CHST15: variants seen among roughly 807,000 people sequenced by gnomAD.
The protein encoded by CHST15 is carbohydrate sulfotransferase 15.
Under a neutral mutation model 53.6 loss-of-function variants are expected in CHST15, and 30 were observed. That is an observed-to-expected ratio of 0.56 (90% CI 0.42 to 0.76). CHST15 has a LOEUF of 0.76. Among genes scored for constraint, CHST15 ranks in the 30% least tolerant of loss-of-function variants. CHST15 has a pLI of 0.00. For synonymous variants in CHST15, 296 were observed against 289.8 expected (o/e 1.02, Z -0.22); for missense variants, 627 against 740.5 (o/e 0.85, Z 1.78).
chr10:124,057,012 G>C (rs1016647984), intron 1 of CHST15, among the ~76,000 whole-genome samples: 14 of 152,272 alleles, frequency 9.2e-5, no homozygotes, highest in Non-Finnish European at 8.8e-5. Flanking sequence ...CTGCGGCCCA[G>C]GTGGTGGCTT....
At chr10:124,032,734 A>G (rs982966098) in intron 5 of CHST15, among the ~76,000 whole-genome samples, 7 of 151,132 alleles carry the variant, frequency 4.6e-5, no homozygotes, top group Admixed American at 2.6e-4. Context: ...AAACTGGAAC[A>G]TGAATTCTTG....
chr10:124,011,116 G>A, intron 7 of CHST15: 1 of 977,268 alleles, frequency 1.0e-6, no homozygotes, highest in Non-Finnish European at 1.2e-6. Context: ...GGAGTGAGAG[G>A]CCCTGAAACA....
At chr10:124,059,030 T>C (rs1334657156) in intron 1 of CHST15, among the ~76,000 whole-genome samples, 1 of 152,118 alleles carries the variant, frequency 6.6e-6, no homozygotes, top group Non-Finnish European at 1.5e-5. Flanking sequence ...ACTTACAGAA[T>C]ACAGGACAGC....
intron 5 of CHST15, among the ~76,000 whole-genome samples, chr10:124,031,457 C>T (rs1166877673): frequency 6.6e-6 from 1 of 152,214 alleles, no homozygotes; most frequent in Non-Finnish European, 1.5e-5. Context: ...CCTACTGCTC[C>T]TATGCTGTCA....
chr10:124,061,463 C>T (rs1437184810), intron 1 of CHST15, among the ~76,000 whole-genome samples: 1 of 152,212 alleles, frequency 6.6e-6, no homozygotes, highest in East Asian at 1.9e-4. Context: ...CCAGGTGGAA[C>T]TGTAAGTCTA....
At chr10:124,034,566 C>A (rs912748985) in intron 5 of CHST15, among the ~76,000 whole-genome samples, 1 of 151,330 alleles carries the variant, frequency 6.6e-6, no homozygotes, top group Admixed American at 6.6e-5. Context: ...AACAGGGACC[C>A]TGGCTTCATC....
At position 124,070,369 on chromosome 10, in the gene CHST15, G is replaced by GT. The variant is rs774034292; in HGVS notation, c.-513+23099dup. ...CCTCCAAATGAACCCATTCAGTAAA[G>GT]TTTTTTTGTTTTGTTTTGTTTTTGT... On this transcript the variant is annotated intron_variant, in intron 1 of 7. Coordinates refer to ENST00000435907, the MANE Select transcript of CHST15 (RefSeq NM_001270764.2). Among the ~76,000 whole-genome samples, 139 of 152,170 alleles carry GT rather than the reference G, an allele frequency of 9.1e-4. 1 individual carries two copies. The highest frequency in any genetic ancestry group is 1.6e-3 in the Non-Finnish European group (111 of 67,990).
chr10:124,070,782 G>A (rs543496799), intron 1 of CHST15, among the ~76,000 whole-genome samples: 1 of 152,280 alleles, frequency 6.6e-6, no homozygotes, highest in South Asian at 2.1e-4. Flanking sequence ...TCGCAGGCTG[G>A]TGGGGAGGCT....
chr10:124,010,961 C>A (rs1248811786), intron 7 of CHST15: 1 of 985,104 alleles, frequency 1.0e-6, no homozygotes, highest in African/African-American at 1.7e-5. Context: ...CAGTCACCCC[C>A]ACGCCCCGCC....
chr10:124,018,808 C>T (rs1946671135), intron 6 of CHST15, among the ~76,000 whole-genome samples: 1 of 152,032 alleles, frequency 6.6e-6, no homozygotes, highest in Admixed American at 6.6e-5. Flanking sequence ...GGAAGCTGTG[C>T]AGGTGGAGGT....
intron 1 of CHST15, among the ~76,000 whole-genome samples, chr10:124,088,275 C>T (rs1213228078): frequency 6.6e-6 from 1 of 152,222 alleles, no homozygotes; most frequent in African/African-American, 2.4e-5. Context: ...CCATAAGGTG[C>T]CTGTCAACGG....
chr10:124,062,450 G>A (rs562584061), intron 1 of CHST15, among the ~76,000 whole-genome samples: 5 of 152,108 alleles, frequency 3.3e-5, no homozygotes, highest in African/African-American at 9.7e-5. Flanking sequence ...GTGTGCCCTC[G>A]GGCAAACTGC....
chr10:124,093,068 G>A (rs1034145313), intron 1 of CHST15, among the ~76,000 whole-genome samples: 1 of 152,200 alleles, frequency 6.6e-6, no homozygotes, highest in Non-Finnish European at 1.5e-5. Context: ...TGTCGCCGCT[G>A]GGTAACCCTT....
chr10:124,019,224 C>A lies in CHST15; in HGVS notation c.1347+2032G>T, dbSNP rs1379753671. Among the ~76,000 whole-genome samples, 1 of 152,120 alleles carries A rather than the reference C, an allele frequency of 6.6e-6. No individual in the cohort carries two copies. Among genetic ancestry groups the A allele is most frequent in the Non-Finnish European group, 1.5e-5 (1 of 68,026 alleles). On this transcript the variant is annotated intron_variant, in intron 6 of 7. Coordinates refer to ENST00000435907, the MANE Select transcript of CHST15 (RefSeq NM_001270764.2). This position sits in a 1 kb window ranked among gnomAD's most constrained non-coding sequence, Gnocchi z 4.6. ...GCATCATGATCAGTGCTGGAAGAAACCACAACCCCACCTTGAGGCGTCATG... is the reference window on the plus strand; with the variant it reads ...GCATCATGATCAGTGCTGGAAGAAAACACAACCCCACCTTGAGGCGTCATG...
intron 1 of CHST15, among the ~76,000 whole-genome samples, chr10:124,058,167 G>A (rs1948443793): frequency 6.6e-6 from 1 of 151,954 alleles, no homozygotes; most frequent in Non-Finnish European, 1.5e-5. Context: ...TTCCAATAAG[G>A]CAGAGGCCAC....
In CHST15 at chr10:124,008,844, C is replaced by A; in HGVS notation, c.*1305G>T. The A allele has an allele frequency of 8.0e-7, 1 of 1,249,988 alleles. No individual in the cohort carries two copies. The highest frequency in any genetic ancestry group is 1.0e-6 in the Non-Finnish European group (1 of 962,612). The allele number at this position is 1,249,988 out of a possible 1,614,324, so 77.4% of individuals were successfully genotyped here. On this transcript the variant is annotated 3_prime_UTR_variant, in exon 8 of 8. Transcript: ENST00000435907. Reference sequence around the variant, plus strand: ...TGGGCTGTTGCCAAGGATGCTCAAGCGTTCTCTTCAATCTTCCCTGTGACT... The same window carrying A: ...TGGGCTGTTGCCAAGGATGCTCAAGAGTTCTCTTCAATCTTCCCTGTGACT...
rs1161576900 is a variant in CHST15, at chr10:124,046,477, G to T, written c.-265C>A. 8.2e-6 allele frequency: 3 copies of T among 366,546 alleles called. No individual in the cohort carries two copies. Among genetic ancestry groups the T allele is most frequent in the Admixed American group, 9.1e-5 (2 of 22,034 alleles). 22.7% of individuals were successfully genotyped at this position (366,546 alleles called of 1,614,324 possible). On this transcript the variant is annotated 5_prime_UTR_variant, in exon 2 of 8. Transcript: ENST00000435907. ...AAGAGCCGCTGCAACCTCAGAGAAGGTCACAAGTTCGGGAGCAGCTCTGCC... is the reference window on the plus strand; with the variant it reads ...AAGAGCCGCTGCAACCTCAGAGAAGTTCACAAGTTCGGGAGCAGCTCTGCC...
At chr10:124,060,456 C>T (rs1432863849) in intron 1 of CHST15, among the ~76,000 whole-genome samples, 3 of 142,392 alleles carry the variant, frequency 2.1e-5, no homozygotes, top group South Asian at 2.3e-4. Context: ...GCCAGCCCCA[C>T]CAGGGGTGTG....
Position 124,069,935 on chromosome 10 carries a change from G to A in CHST15, c.-512-23211C>T, listed in dbSNP as rs116461386. ...AAGATGGGAGTTCCCCTGAATCTAA[G>A]GTGTCACTGTGCCTCCCTTTAGCTG... On this transcript the variant is annotated intron_variant, in intron 1 of 7. Coordinates refer to ENST00000435907, the MANE Select transcript of CHST15 (RefSeq NM_001270764.2). Among the ~76,000 whole-genome samples, 1,087 of 152,312 alleles carry A rather than the reference G, an allele frequency of 7.1e-3. 18 individuals are homozygous for A. Among genetic ancestry groups the A allele is most frequent in the African/African-American group, 0.025 (1,031 of 41,574 alleles).
Sources: gnomAD v4.1 joint callset for allele counts (sites outside exome capture counted in the v4.1 genomes callset) on GRCh38, gnomAD v4.1.1 for gene constraint, Gnocchi (gnomAD v3.1) non-coding constraint, MANE v1.5 for transcripts, NCBI Gene and HGNC (gene_info 2026-07-23, HGNC 2026-07-21) for gene names.